Variants in CDH20 observed in about 807,000 individuals in gnomAD.
CDH20 encodes cadherin-20.
Under a neutral mutation model 74.2 loss-of-function variants are expected in CDH20, and 29 were observed. The observed-to-expected ratio is 0.39, with a 90% CI of 0.29 to 0.53. The LOEUF is 0.53. Ranked by LOEUF, CDH20 falls within the 20% of genes least tolerant of loss-of-function variation. The pLI, the probability that CDH20 is intolerant of heterozygous loss-of-function variation, is 0.69. For synonymous variants in CDH20, 469 were observed against 405.4 expected (o/e 1.16, Z -1.88); for missense variants, 988 against 1,048.3 (o/e 0.94, Z 0.79).
chr18:61,341,036 C>G (rs369202628), intron 1 of CDH20, among the ~76,000 whole-genome samples: 1 of 152,182 alleles, frequency 6.6e-6, no homozygotes, highest in South Asian at 2.1e-4. Context: ...GCAGTATCAC[C>G]TACCTACCAC....
rs181776735 is a variant in CDH20, at chr18:61,518,025, C to A, written c.1018-9942C>A. ...CCATGAAGTTCAAACTGGGCAGAGC[C>A]CACCGCAGCTCTGCAAAGCCACGGT... On this transcript the variant is annotated intron_variant, in intron 6 of 11. Transcript: ENST00000262717. Among the ~76,000 whole-genome samples the A allele has an allele frequency of 4.3e-3, 652 of 152,258 alleles. 1 individual carries two copies. Among genetic ancestry groups the A allele is most frequent in the Admixed American group, 7.9e-3 (121 of 15,292 alleles).
chr18:61,363,017 C>A (rs1257922134), intron 1 of CDH20, among the ~76,000 whole-genome samples: 1 of 152,036 alleles, frequency 6.6e-6, no homozygotes, highest in Non-Finnish European at 1.5e-5. Flanking sequence ...TGTCTTCTTG[C>A]CATCATCGTG....
intron 1 of CDH20, among the ~76,000 whole-genome samples, chr18:61,409,279 C>T (rs749690173): frequency 1.3e-5 from 2 of 152,156 alleles, no homozygotes; most frequent in Non-Finnish European, 2.9e-5. Flanking sequence ...TCTGTGCCCC[C>T]ACCCCGCATC....
chr18:61,439,294 T>C (rs764894686), intron 1 of CDH20, among the ~76,000 whole-genome samples: 3 of 152,212 alleles, frequency 2.0e-5, no homozygotes, highest in Non-Finnish European at 4.4e-5. Flanking sequence ...AATCAGTTTT[T>C]TTAATAAATG....
At chr18:61,551,777 AT>A (rs1435856655) in intron 11 of CDH20, among the ~76,000 whole-genome samples, 2 of 152,172 alleles carry the variant, frequency 1.3e-5, no homozygotes, top group Non-Finnish European at 2.9e-5. Context: ...CCTGGGAGGA[AT>A]TTCCAGACTG....
At chr18:61,370,483 AT>A (rs1486190109) in intron 1 of CDH20, among the ~76,000 whole-genome samples, 1 of 152,026 alleles carries the variant, frequency 6.6e-6, no homozygotes, top group Non-Finnish European at 1.5e-5. Flanking sequence ...CTATATTAAC[AT>A]TTTTTTCTTT....
At chr18:61,530,924 G>A (rs1052667053) in intron 7 of CDH20, among the ~76,000 whole-genome samples, 2 of 152,186 alleles carry the variant, frequency 1.3e-5, no homozygotes, top group Non-Finnish European at 1.5e-5. Context: ...CAGGGAGTCC[G>A]GAAAGCACCA....
chr18:61,370,162 A>C (rs1439661830), intron 1 of CDH20, among the ~76,000 whole-genome samples: 1 of 152,136 alleles, frequency 6.6e-6, no homozygotes, highest in African/African-American at 2.4e-5. Context: ...TTAAAACTTC[A>C]TGGGGTGCTT....
chr18:61,373,578 T>TC (rs930812375), intron 1 of CDH20, among the ~76,000 whole-genome samples: 2 of 151,908 alleles, frequency 1.3e-5, no homozygotes, highest in African/African-American at 4.8e-5. Context: ...ACACCTTAAT[T>TC]CCCCACCATA....
At chr18:61,549,404 C>G (rs1913357268) in intron 10 of CDH20, among the ~76,000 whole-genome samples, 1 of 152,174 alleles carries the variant, frequency 6.6e-6, no homozygotes, top group African/African-American at 2.4e-5. Flanking sequence ...TAGGGGATTT[C>G]AAAGAAGCTT....
intron 1 of CDH20, among the ~76,000 whole-genome samples, chr18:61,400,872 T>C (rs2144225321): frequency 6.6e-6 from 1 of 152,320 alleles, no homozygotes; most frequent in Admixed American, 6.5e-5. Context: ...ACTGAAAGAT[T>C]ATTATCATTG....
intron 1 of CDH20, among the ~76,000 whole-genome samples, chr18:61,439,164 T>C (rs540356174): frequency 6.6e-6 from 1 of 152,252 alleles, no homozygotes; most frequent in Non-Finnish European, 1.5e-5. Flanking sequence ...GCTTAGTACC[T>C]GGATGACGAG....
chr18:61,542,085 CT>C (rs1356204312), intron 9 of CDH20, among the ~76,000 whole-genome samples: 9 of 152,210 alleles, frequency 5.9e-5, no homozygotes, highest in Admixed American at 5.2e-4. Context: ...TCTGAAACGA[CT>C]TTCCCAACTA....
intron 9 of CDH20, among the ~76,000 whole-genome samples, chr18:61,544,666 GCTC>G (rs1453609714): frequency 2.6e-5 from 4 of 152,118 alleles, no homozygotes; most frequent in African/African-American, 9.7e-5. Context: ...CTGCTGGTGT[GCTC>G]CTCTTCTCCT....
rs374722199 is a variant in CDH20, at chr18:61,410,337, C to T, written c.-153+76510C>T. Among the ~76,000 whole-genome samples, 8 of 152,186 alleles carry T rather than the reference C, an allele frequency of 5.3e-5. No individual in the cohort carries two copies. The South Asian group carries it at 1.2e-3, about 24-fold the overall frequency. ...AACGTACAATAAAGCTTATGACATA[C>T]CATTTTTATCTATGAAATTTGAAAT... is the stretch of plus-strand genomic sequence containing the variant. On this transcript the variant is annotated intron_variant, in intron 1 of 11. Transcript: ENST00000262717.
intron 1 of CDH20, among the ~76,000 whole-genome samples, chr18:61,417,404 T>C (rs1912721277): frequency 6.6e-6 from 1 of 151,830 alleles, no homozygotes; most frequent in African/African-American, 2.4e-5. Flanking sequence ...CATCAATGAA[T>C]GAATGGGTAA....
intron 1 of CDH20, among the ~76,000 whole-genome samples, chr18:61,360,465 A>G (rs1252648964): frequency 6.6e-6 from 1 of 152,138 alleles, no homozygotes. Context: ...GGTCTCTTGA[A>G]TGAGGCATTT....
chr18:61,349,930 CA>C (rs2144109937), intron 1 of CDH20, among the ~76,000 whole-genome samples: 1 of 152,322 alleles, frequency 6.6e-6, no homozygotes, highest in South Asian at 2.1e-4. Flanking sequence ...TTTCCACCAA[CA>C]AAGCTTATTA....
intron 10 of CDH20, among the ~76,000 whole-genome samples, chr18:61,547,963 T>C (rs1245340364): frequency 6.6e-6 from 1 of 152,208 alleles, no homozygotes; most frequent in Non-Finnish European, 1.5e-5. Flanking sequence ...ATTTCGGCTC[T>C]AGTCAGACTT....
Sources: allele counts gnomAD v4.1 joint callset (sites outside exome capture counted in the v4.1 genomes callset), GRCh38; gene constraint gnomAD v4.1.1; transcripts MANE v1.5; gene names NCBI Gene and HGNC (gene_info 2026-07-23, HGNC 2026-07-21).